The following ATG7 variants were observed in gnomAD, a reference collection of about 807,000 sequenced individuals.
The protein encoded by ATG7 is ubiquitin-like modifier-activating enzyme ATG7.
A neutral mutation model predicts 82.4 loss-of-function variants in ATG7; 70 were observed. The ratio of observed to expected loss-of-function variants is 0.85; its 90% confidence interval spans 0.70 to 1.04. The LOEUF (loss-of-function observed/expected upper bound fraction) is 1.04. Among genes scored for constraint, ATG7 ranks in the 50% least tolerant of loss-of-function variants. ATG7 has a pLI of 0.00. For synonymous variants in ATG7, 287 were observed against 313.0 expected (o/e 0.92, Z 0.88); for missense variants, 792 against 864.3 (o/e 0.92, Z 1.05).
chr3:11,508,276 G>C (rs555462522), intron 20 of ATG7, among the ~76,000 whole-genome samples: 1 of 151,272 alleles, frequency 6.6e-6, no homozygotes, highest in East Asian at 1.9e-4. Context: ...CCTGAGCCAC[G>C]TTGGAAGAAT....
chr3:11,504,891 A>G (rs1405393942), intron 20 of ATG7, among the ~76,000 whole-genome samples: 2 of 152,210 alleles, frequency 1.3e-5, no homozygotes, highest in African/African-American at 4.8e-5. Flanking sequence ...TGGTGGAAAG[A>G]TAGGGAGGCA....
intron 1 of ATG7, among the ~76,000 whole-genome samples, chr3:11,274,464 G>C (rs1408039004): frequency 6.6e-6 from 1 of 152,156 alleles, no homozygotes; most frequent in Non-Finnish European, 1.5e-5. Flanking sequence ...GGACGAACGA[G>C]ATCTGACAGG....
intron 20 of ATG7, among the ~76,000 whole-genome samples, chr3:11,432,985 A>G (rs2083044195): frequency 6.6e-6 from 1 of 152,128 alleles, no homozygotes; most frequent in Non-Finnish European, 1.5e-5. Flanking sequence ...GTTCTCCCCA[A>G]GTATCTTTTA....
At chr3:11,355,408 T>C (rs899802432) in intron 14 of ATG7, among the ~76,000 whole-genome samples, 7 of 152,212 alleles carry the variant, frequency 4.6e-5, no homozygotes, top group South Asian at 2.1e-4. Flanking sequence ...TTAAAACTTC[T>C]GCTTCTCAAA....
intron 18 of ATG7, among the ~76,000 whole-genome samples, chr3:11,379,756 C>T (rs1282402106): frequency 6.6e-6 from 1 of 152,138 alleles, no homozygotes. Flanking sequence ...GCTTGTAAGC[C>T]CTGGCTCCTA....
intron 3 of ATG7, among the ~76,000 whole-genome samples, chr3:11,290,208 C>A (rs905570926): frequency 6.6e-6 from 1 of 152,186 alleles, no homozygotes; most frequent in African/African-American, 2.4e-5. Context: ...TATGTCTGCA[C>A]AACTCCTAGA....
intron 19 of ATG7, among the ~76,000 whole-genome samples, chr3:11,405,021 T>G (rs2080198959): frequency 6.6e-6 from 1 of 152,208 alleles, no homozygotes; most frequent in African/African-American, 2.4e-5. Flanking sequence ...TTTCAAAGCC[T>G]CCTTTAGTAT....
downstream of ATG7, chr3:11,558,921 G>T (rs1313990756): frequency 8.3e-6 from 12 of 1,444,498 alleles, no homozygotes; most frequent in African/African-American, 1.3e-4. Flanking sequence ...CCCAGAGCCG[G>T]ACTGGCTGCC....
chr3:11,420,062 A>T (rs146700460), intron 19 of ATG7, among the ~76,000 whole-genome samples: 48 of 152,280 alleles, frequency 3.2e-4, no homozygotes, highest in African/African-American at 1.1e-3. Context: ...TCTTGTTCAA[A>T]TTCTTTGTGA....
At chr3:11,564,435 C>T in the ATG7 span, among the ~76,000 whole-genome samples, 10 of 151,742 alleles carry the variant, frequency 6.6e-5, no homozygotes, top group Non-Finnish European at 1.3e-4. Flanking sequence ...CTACATTCAT[C>T]CTAAGAGAAT....
intron 3 of ATG7, among the ~76,000 whole-genome samples, chr3:11,291,509 TA>T (rs771410121): frequency 6.6e-6 from 1 of 152,188 alleles, no homozygotes; most frequent in Non-Finnish European, 1.5e-5. Context: ...GCAAGTTACT[TA>T]AGCTCCCAGT....
chr3:11,323,840 C>T (rs1406214628), intron 9 of ATG7, among the ~76,000 whole-genome samples: 4 of 152,186 alleles, frequency 2.6e-5, no homozygotes, highest in African/African-American at 9.7e-5. Context: ...TTCCCCCATA[C>T]TTTAAAAACG....
chr3:11,489,177 C>T (rs142279822), intron 20 of ATG7, among the ~76,000 whole-genome samples: 206 of 152,056 alleles, frequency 1.4e-3, no homozygotes, highest in African/African-American at 4.7e-3. Flanking sequence ...CTAGATTTTC[C>T]CAGCTGTATG....
At chr3:11,383,456 G>A (rs185459651) in intron 19 of ATG7, among the ~76,000 whole-genome samples, 1 of 152,180 alleles carries the variant, frequency 6.6e-6, no homozygotes, top group East Asian at 1.9e-4. Context: ...GGTGATGCTA[G>A]TTTTCCCTTT....
In ATG7 at chr3:11,488,490, C is replaced by T. The variant is rs570454569; in HGVS notation, c.2079+61564C>T. On this transcript the variant is annotated intron_variant, in intron 20 of 20. Coordinates refer to ENST00000693202, the MANE Select transcript of ATG7 (RefSeq NM_001349232.2). ...CCGCTTCATATCTGCAGCTGGGGCC[C>T]GCGGGTGTCAGCGCCGCGACTGTCC... is the stretch of plus-strand genomic sequence containing the variant. The T allele has an allele frequency of 2.3e-4, 289 of 1,264,308 alleles. 1 individual carries two copies. In the African/African-American group the frequency reaches 3.9e-3, roughly 17 times the overall value. 78.3% of individuals were successfully genotyped at this position (1,264,308 alleles called of 1,614,324 possible).
chr3:11,336,503 C>T (rs1952518729), intron 11 of ATG7, among the ~76,000 whole-genome samples: 2 of 152,040 alleles, frequency 1.3e-5, no homozygotes. Flanking sequence ...TTAATATGTT[C>T]CCTCTTAGCT....
chr3:11,465,444 C>CAA (rs34071637), intron 20 of ATG7, among the ~76,000 whole-genome samples: 2,176 of 116,752 alleles, frequency 0.019, 46 homozygotes, highest in African/African-American at 0.048. Flanking sequence ...GACTCTGTCT[C>CAA]AAAAAAAAAA....
At chr3:11,537,192 CTCCT>C (rs1473764230) in intron 20 of ATG7, among the ~76,000 whole-genome samples, 1 of 152,156 alleles carries the variant, frequency 6.6e-6, no homozygotes, top group Admixed American at 6.5e-5. Flanking sequence ...GACGGGCTGG[CTCCT>C]TCCTTCCTTC....
chr3:11,573,300 A>G, the ATG7 span, among the ~76,000 whole-genome samples: 424 of 9,458 alleles, frequency 0.045, 38 homozygotes, highest in East Asian at 0.1. Flanking sequence ...AGAAAGAAAG[A>G]AAGAAAGGAA....
Sources: gnomAD v4.1 joint callset for allele counts (sites outside exome capture counted in the v4.1 genomes callset) on GRCh38, gnomAD v4.1.1 for gene constraint, MANE v1.5 for transcripts, NCBI Gene and HGNC (gene_info 2026-07-23, HGNC 2026-07-21) for gene names.